Variants in GALNT17 observed in about 807,000 individuals in gnomAD.
GALNT17 encodes polypeptide N-acetylgalactosaminyltransferase 17, also known as UDP-GalNAc:polypeptide N-acetylgalactosaminyltransferase-like 3.
Under a neutral mutation model 63.7 loss-of-function variants are expected in GALNT17, and 29 were observed. That is an observed-to-expected ratio of 0.46 (90% confidence interval 0.34 to 0.62). The LOEUF is 0.62. GALNT17 is among the 20% of genes least tolerant of loss of function. The pLI, the probability that GALNT17 is intolerant of heterozygous loss-of-function variation, is 0.01. For synonymous variants in GALNT17, 305 were observed against 318.3 expected (o/e 0.96, Z 0.45); for missense variants, 603 against 799.6 (o/e 0.75, Z 2.97).
chr7:71,447,466 C>G (rs1306122298), intron 5 of GALNT17, among the ~76,000 whole-genome samples: 1 of 151,932 alleles, frequency 6.6e-6, no homozygotes, highest in Non-Finnish European at 1.5e-5. Context: ...ACATAGAATG[C>G]TCAGTTGGTA....
intron 5 of GALNT17, among the ~76,000 whole-genome samples, chr7:71,494,868 A>C (rs115712242): frequency 0.032 from 4,811 of 151,894 alleles, 248 homozygotes; most frequent in African/African-American, 0.11. Flanking sequence ...GTGCGGGGGA[A>C]CTCCCGTTTA....
At chr7:71,543,414 G>T (rs1016935999) in intron 5 of GALNT17, among the ~76,000 whole-genome samples, 1 of 152,194 alleles carries the variant, frequency 6.6e-6, no homozygotes, top group Non-Finnish European at 1.5e-5. Context: ...TTTAAGGCAG[G>T]AATTTTATCA....
chr7:71,627,875 C>T (rs1313988706), intron 6 of GALNT17, among the ~76,000 whole-genome samples: 2 of 152,100 alleles, frequency 1.3e-5, no homozygotes, highest in African/African-American at 2.4e-5. Context: ...CAGTTCTTTT[C>T]GAACTATTTA....
chr7:71,389,117 G>A (rs1029934009), intron 3 of GALNT17, among the ~76,000 whole-genome samples: 1 of 151,826 alleles, frequency 6.6e-6, no homozygotes, highest in Admixed American at 6.6e-5. Flanking sequence ...GCACAAGCAA[G>A]TGATCTAGGT....
At chr7:71,444,373 G>A (rs1456889453) in intron 5 of GALNT17, among the ~76,000 whole-genome samples, 1 of 152,136 alleles carries the variant, frequency 6.6e-6, no homozygotes, top group Non-Finnish European at 1.5e-5. Context: ...AGGGGCTAAT[G>A]TACGTGGCCT....
At chr7:71,645,016 G>A (rs1448291377) in intron 6 of GALNT17, among the ~76,000 whole-genome samples, 1 of 152,156 alleles carries the variant, frequency 6.6e-6, no homozygotes, top group Non-Finnish European at 1.5e-5. Flanking sequence ...GAAAAAAGAG[G>A]ATGGAGAATG....
intron 2 of GALNT17, among the ~76,000 whole-genome samples, chr7:71,336,900 C>T (rs12699032): frequency 0.062 from 9,486 of 152,218 alleles, 323 homozygotes; most frequent in Non-Finnish European, 0.086. Context: ...GAGTTCTTTG[C>T]GGCTTCACCA....
chr7:71,439,711 A>G (rs1019398809), intron 5 of GALNT17, among the ~76,000 whole-genome samples: 2 of 152,178 alleles, frequency 1.3e-5, no homozygotes, highest in Admixed American at 6.6e-5. Flanking sequence ...TTTACCTCTG[A>G]ATTAAATGCT....
intron 9 of GALNT17, among the ~76,000 whole-genome samples, chr7:71,703,650 A>T (rs990694573): frequency 4.6e-5 from 7 of 152,244 alleles, no homozygotes; most frequent in Non-Finnish European, 1.0e-4. Flanking sequence ...ACAATGGCAG[A>T]AGTTAGGTTT....
intron 6 of GALNT17, among the ~76,000 whole-genome samples, chr7:71,592,870 G>A (rs1321794831): frequency 6.6e-6 from 1 of 152,212 alleles, no homozygotes; most frequent in Non-Finnish European, 1.5e-5. Context: ...TTAGGGCTGA[G>A]CATAGTGGCA....
chr7:71,279,722 G>A (rs956961225), intron 1 of GALNT17, among the ~76,000 whole-genome samples: 2 of 151,180 alleles, frequency 1.3e-5, no homozygotes, highest in Admixed American at 1.3e-4. Flanking sequence ...TTACAGACTT[G>A]AGCATGGAGG....
chr7:71,572,345 A>G (rs1283751149), intron 6 of GALNT17, among the ~76,000 whole-genome samples: 3 of 151,290 alleles, frequency 2.0e-5, no homozygotes, highest in Admixed American at 6.6e-5. Context: ...TCCACAAAAG[A>G]TAAAAAATTA....
chr7:71,306,458 A>G (rs1335664777), intron 1 of GALNT17, among the ~76,000 whole-genome samples: 2 of 151,842 alleles, frequency 1.3e-5, no homozygotes, highest in African/African-American at 4.8e-5. Flanking sequence ...ACTACTCTAC[A>G]TACCTCATTT....
At chr7:71,572,772 C>T (rs2116881129) in intron 6 of GALNT17, among the ~76,000 whole-genome samples, 1 of 152,150 alleles carries the variant, frequency 6.6e-6, no homozygotes, top group South Asian at 2.1e-4. Flanking sequence ...TTTTGCTTTG[C>T]AGTGACGTGG....
intron 1 of GALNT17, among the ~76,000 whole-genome samples, chr7:71,246,950 GA>G (rs1554344285): frequency 2.1e-5 from 3 of 140,778 alleles, no homozygotes; most frequent in Admixed American, 7.0e-5. Flanking sequence ...TTTTTGGGGG[GA>G]GGGGGGAGGG....
At chr7:71,348,542 T>G (rs1165146194) in intron 2 of GALNT17, among the ~76,000 whole-genome samples, 1 of 152,202 alleles carries the variant, frequency 6.6e-6, no homozygotes, top group Non-Finnish European at 1.5e-5. Context: ...TTGTCCTGTT[T>G]ATGCAAATGG....
chr7:71,142,342 T>C (rs1163192442), intron 1 of GALNT17, among the ~76,000 whole-genome samples: 4 of 152,182 alleles, frequency 2.6e-5, no homozygotes, highest in Admixed American at 2.0e-4. Context: ...TCCATGTGTT[T>C]ATCTGAGCCA....
chr7:71,162,605 C>A (rs1585849634), intron 1 of GALNT17, among the ~76,000 whole-genome samples: 2 of 152,042 alleles, frequency 1.3e-5, no homozygotes, highest in South Asian at 4.1e-4. Context: ...CATGAAGTCA[C>A]CCGTGAAGTC....
chr7:71,305,904 T>C (rs1791282542), intron 1 of GALNT17, among the ~76,000 whole-genome samples: 1 of 151,990 alleles, frequency 6.6e-6, no homozygotes, highest in Non-Finnish European at 1.5e-5. Context: ...AGCAAGAGAG[T>C]GTCCTGATTT....
Sources: gnomAD v4.1 joint callset for allele counts (sites outside exome capture counted in the v4.1 genomes callset) on GRCh38, gnomAD v4.1.1 for gene constraint, MANE v1.5 for transcripts, NCBI Gene and HGNC (gene_info 2026-07-23, HGNC 2026-07-21) for gene names.